The following NKTR variants were observed in gnomAD, a reference collection of about 807,000 sequenced individuals.
NKTR encodes natural killer cell triggering receptor, also known as NK-tumor recognition protein.
NKTR carries 67 observed loss-of-function variants against 156.3 expected under a neutral mutation model. That is an observed-to-expected ratio of 0.43 (90% confidence interval 0.35 to 0.53). NKTR has a LOEUF of 0.53. NKTR is among the 20% of genes least tolerant of loss of function. The pLI, the probability that NKTR is intolerant of heterozygous loss-of-function variation, is 0.01. For missense variants in NKTR, 1,604 were observed against 1,730.9 expected, an observed-to-expected ratio of 0.93 and a Z score of 1.30; for synonymous variants, 640 against 596.6, an observed-to-expected ratio of 1.07 and a Z score of -1.06.
rs145118856 is a variant in NKTR at position 42,632,562 on chromosome 3, G to T, written c.551-39G>T. On this transcript the variant is annotated intron_variant, in intron 8 of 16. Coordinates refer to ENST00000232978, the MANE Select transcript of NKTR (RefSeq NM_005385.4). ...TTTTTTACTCTGAAAGGTAGGCACT[G>T]AATTTAGTACTAATGTTTTTATTAA... 18 of 1,304,702 alleles carry T rather than the reference G, an allele frequency of 1.4e-5. No individual in the cohort carries two copies. In the African/African-American group the frequency reaches 2.4e-4, roughly 17 times the overall value. The allele number at this position is 1,304,702 out of a possible 1,614,324, so 80.8% of individuals were successfully genotyped here. A position where few individuals can be genotyped will look rare whatever the true frequency, so the allele number is the denominator to read the frequency against.
At position 42,637,498 on chromosome 3, in the gene NKTR, A is replaced by T; in HGVS notation, c.1794A>T (p.Gln598His). 1.9e-6 allele frequency: 3 copies of T among 1,614,092 alleles called. No individual in the cohort carries two copies. The African/African-American group carries it at 4.0e-5, about 22-fold the overall frequency. ...CACAAAATGAAAATGTAGTAGTACAACCAGTTGTAGCAGAAAATATTCCTG... is the reference window on the plus strand; with the variant it reads ...CACAAAATGAAAATGTAGTAGTACATCCAGTTGTAGCAGAAAATATTCCTG... ...TMAQNENVVV[Q>H]PVVAENIPVI... is the part of the protein sequence containing the mutation. The change falls in exon 13 of 17, where the codon CAA becomes CAT. Residue 598 changes from glutamine to histidine, a missense_variant. Physicochemically the swap from Gln to His is conservative, Grantham distance 24. Around this residue, in one of 6 missense-constraint regions of NKTR, gnomAD observed 1,255 missense variants for 1,243.7 expected, o/e 1.01. Transcript: ENST00000232978.
At chr3:42,617,776 CT>C (rs1217850675) in intron 3 of NKTR, 132 bp downstream of exon 3, 38 of 534,044 alleles carry the variant, frequency 7.1e-5, no homozygotes, top group Non-Finnish European at 1.1e-4. Context: ...AAAAGAGTTA[CT>C]TATACTGACT....
chr3:42,634,756 A>G lies in NKTR; in HGVS notation c.1017+56A>G, dbSNP rs903325005. ...TGTATCTAATAAAAAATTTTTACCT[A>G]TTTTCAAAGTCCTAGCGTTAATTTT... On this transcript the variant is annotated intron_variant, in intron 11 of 16. Transcript: ENST00000232978. The G allele has an allele frequency of 1.1e-5, 10 of 896,840 alleles. No individual in the cohort carries two copies. The East Asian group carries it at 1.6e-4, about 14-fold the overall frequency. 55.6% of individuals were successfully genotyped at this position (896,840 alleles called of 1,614,324 possible). A position where few individuals can be genotyped will look rare whatever the true frequency, so the allele number is the denominator to read the frequency against.
chr3:42,631,023 C>T, intron 7 of NKTR, 148 bp from the exon 8 acceptor site: 1 of 1,415,948 alleles, frequency 7.1e-7, no homozygotes, highest in Non-Finnish European at 9.2e-7. Flanking sequence ...ATTTCAAGTT[C>T]TCATTCCATT....
At chr3:42,640,273 C>G (rs1271431142) in intron 13 of NKTR, among the ~76,000 whole-genome samples, 1 of 152,122 alleles carries the variant, frequency 6.6e-6, no homozygotes, top group Non-Finnish European at 1.5e-5. Context: ...TTTAAAACAC[C>G]TTTTTCTCAT....
chr3:42,640,820 C>T (rs975235960), intron 13 of NKTR, among the ~76,000 whole-genome samples: 15 of 152,222 alleles, frequency 9.9e-5, no homozygotes, highest in Non-Finnish European at 1.6e-4. Flanking sequence ...GCCATTTCGT[C>T]CCTGTGTTCT....
intron 3 of NKTR, among the ~76,000 whole-genome samples, chr3:42,618,235 C>A (rs1418928655): frequency 2.0e-5 from 3 of 151,424 alleles, no homozygotes; most frequent in East Asian, 3.9e-4. Flanking sequence ...CCTGTAATCC[C>A]AGCTACTCAG....
At chr3:42,633,306 T>C (rs1709082479) in intron 9 of NKTR, 3 of 1,109,598 alleles carry the variant, frequency 2.7e-6, no homozygotes, top group African/African-American at 1.6e-5. Flanking sequence ...ACCCCTAAAG[T>C]ACTGGGATTA....
At chr3:42,635,119 T>G in intron 11 of NKTR, 102 bp from the exon 12 acceptor site, 2 of 842,352 alleles carry the variant, frequency 2.4e-6, no homozygotes, top group Non-Finnish European at 1.8e-6. Flanking sequence ...ATCATTACCT[T>G]TGATGGGATG....
At chr3:42,621,555 A>C (rs377057855) in intron 6 of NKTR, 39 bp downstream of exon 6, 2 of 1,593,750 alleles carry the variant, frequency 1.3e-6, no homozygotes, top group African/African-American at 1.4e-5. Flanking sequence ...TTTCTTAAAC[A>C]GAGAAGCGCT....
At chr3:42,601,311 A>T (rs975400770) in intron 2 of NKTR, 2 of 357,434 alleles carry the variant, frequency 5.6e-6, no homozygotes, top group East Asian at 4.4e-5. Context: ...GAGTCCTCGT[A>T]GCCAGCCTGG....
rs961003208 is a variant in NKTR, at chr3:42,636,802, G to A, written c.1164-66G>A. The A allele has an allele frequency of 1.5e-5, 22 of 1,493,256 alleles. No individual in the cohort carries two copies. In the African/African-American group the frequency reaches 2.9e-4, roughly 20 times the overall value. The allele number at this position is 1,493,256 out of a possible 1,614,324, so 92.5% of individuals were successfully genotyped here. On this transcript the variant is annotated intron_variant, in intron 12 of 16. Transcript: ENST00000232978. The stretch of plus-strand genomic sequence containing the variant: ...GGTCAAGAACTTTGTTGTTAACAAA[G>A]CTGTGTCTTAAGGTGTAGAAAACAT...
chr3:42,617,525 A>G lies in NKTR; in HGVS notation c.59-45A>G, dbSNP rs539873355. ...TTTCTTTCTCCCATTTAAATGTGAT[A>G]TATTTAACTTGCTTACTATTTTTTT... is the stretch of plus-strand genomic sequence containing the variant. On this transcript the variant is annotated intron_variant, in intron 2 of 16. Coordinates refer to ENST00000232978, the MANE Select transcript of NKTR (RefSeq NM_005385.4). 7.7e-5 allele frequency: 72 copies of G among 940,026 alleles called. No homozygotes were observed. In the South Asian group the frequency reaches 7.9e-4, roughly 10 times the overall value. 58.2% of individuals were successfully genotyped at this position (940,026 alleles called of 1,614,324 possible).
chr3:42,619,984 C>T (rs1364636353), intron 5 of NKTR: 2 of 1,532,428 alleles, frequency 1.3e-6, no homozygotes, highest in Non-Finnish European at 1.7e-6. Context: ...ATCTTCCTGC[C>T]TAAAACTGTC....
intron 2 of NKTR, among the ~76,000 whole-genome samples, chr3:42,607,938 C>T (rs1265508297): frequency 7.9e-6 from 1 of 127,304 alleles, no homozygotes; most frequent in African/African-American, 2.9e-5. Context: ...GCTCCCACTG[C>T]GGGCATGCCA....
intron 2 of NKTR, among the ~76,000 whole-genome samples, chr3:42,615,082 CTT>C (rs11409067): frequency 3.5e-5 from 5 of 143,444 alleles, no homozygotes; most frequent in Non-Finnish European, 1.5e-5. Context: ...TTTGTTTTTT[CTT>C]TTTTTTTTTT....
chr3:42,619,074 C>T lies in NKTR; in HGVS notation c.188C>T (p.Thr63Met), dbSNP rs1309531624. 1.9e-6 allele frequency: 3 copies of T among 1,607,580 alleles called. No homozygotes were observed. Among genetic ancestry groups the T allele is most frequent in the African/African-American group, 1.4e-5 (1 of 73,966 alleles). ...TGKKLCYKGS[T>M]FHRVVKNFMI... is the part of the protein sequence containing the mutation. ...AAGAAGTTATGTTATAAAGGTTCTA[C>T]GTTCCATCGTGTGGTTAAAAACTTT... The change falls in exon 4 of 17, where the codon ACG (threonine) becomes ATG (methionine). Residue 63 changes from threonine to methionine, a missense_variant. By Grantham distance (81) the Thr-to-Met change is moderately conservative. Transcript: ENST00000232978.
chr3:42,633,114 A>C, intron 9 of NKTR: 3 of 685,248 alleles, frequency 4.4e-6, no homozygotes, highest in Non-Finnish European at 5.7e-6. Flanking sequence ...ATTATAGCTC[A>C]CTGCATCCTC....
intron 2 of NKTR, 61 bp from the exon 3 acceptor site, chr3:42,617,509 C>A: frequency 2.4e-6 from 2 of 823,614 alleles, no homozygotes; most frequent in Non-Finnish European, 4.1e-6. Flanking sequence ...GTTTCTTTCT[C>A]CCATTTAAAT....
Sources: gnomAD v4.1 joint callset for allele counts (sites outside exome capture counted in the v4.1 genomes callset) on GRCh38, gnomAD v4.1.1 for gene constraint, gnomAD v4.1.1 regional missense constraint, MANE v1.5 for transcripts, NCBI Gene and HGNC (gene_info 2026-07-23, HGNC 2026-07-21) for gene names.